Variants in CELF1 observed in about 807,000 individuals in gnomAD.
The protein encoded by CELF1 is 50 kDa nuclear polyadenylated RNA-binding protein.
Under a neutral mutation model 61.8 loss-of-function variants are expected in CELF1, and 10 were observed. The ratio of observed to expected loss-of-function variants is 0.16; its 90% CI spans 0.10 to 0.27. The LOEUF (loss-of-function observed/expected upper bound fraction) is 0.27, where lower values mean the gene tolerates loss of function less well. Ranked by LOEUF, CELF1 falls within the 10% of genes least tolerant of loss-of-function variation. The pLI is 1.00. For missense variants in CELF1, 380 were observed against 639.1 expected, an observed-to-expected ratio of 0.59 and a Z score of 4.37; for synonymous variants, 236 against 225.1, an observed-to-expected ratio of 1.05 and a Z score of -0.43.
chr11:47,493,432 C>T lies in CELF1; in HGVS notation c.72-4408G>A, dbSNP rs527943593. Among the ~76,000 whole-genome samples the T allele has an allele frequency of 4.3e-3, 639 of 148,830 alleles. 2 individuals are homozygous for T. Among genetic ancestry groups the T allele is most frequent in the African/African-American group, 0.015 (585 of 40,122 alleles). On this transcript the variant is annotated intron_variant, in intron 3 of 14. Transcript: ENST00000687097. Reference sequence around the variant, plus strand: ...CTGAAGCAGGAGAATCACTTGAACCCGGGAGGCGGAGACTACAGTGAGCCG... The same window carrying T: ...CTGAAGCAGGAGAATCACTTGAACCTGGGAGGCGGAGACTACAGTGAGCCG...
intron 3 of CELF1, among the ~76,000 whole-genome samples, chr11:47,491,385 A>G (rs1436731757): frequency 1.3e-5 from 2 of 150,764 alleles, no homozygotes; most frequent in Non-Finnish European, 1.5e-5. Flanking sequence ...CTGGTCTTGA[A>G]CTGAGCTCAA....
intron 1 of CELF1, among the ~76,000 whole-genome samples, chr11:47,515,741 T>A (rs577494819): frequency 6.6e-6 from 1 of 152,240 alleles, no homozygotes; most frequent in Non-Finnish European, 1.5e-5. Context: ...TTCATTCCCA[T>A]TTTTCAGATG....
intron 1 of CELF1, among the ~76,000 whole-genome samples, chr11:47,545,867 C>CTGTG (rs761587800): frequency 0.13 from 15,262 of 121,360 alleles, 1,274 homozygotes; most frequent in South Asian, 0.18. Flanking sequence ...GTGTGTGTGT[C>CTGTG]TGCGTGTGTG....
At chr11:47,474,999 T>G (rs2079349637) in intron 13 of CELF1, among the ~76,000 whole-genome samples, 1 of 152,206 alleles carries the variant, frequency 6.6e-6, no homozygotes. Flanking sequence ...AGACAGAAGA[T>G]CCTCTGATAG....
chr11:47,499,823 T>C, intron 2 of CELF1: 1 of 331,170 alleles, frequency 3.0e-6, no homozygotes, highest in Non-Finnish European at 5.6e-6. Context: ...CAGTACTAAG[T>C]GCACTGTCAG....
At position 47,484,535 on chromosome 11, in the gene CELF1, A is replaced by C; in HGVS notation, c.392-12T>G. On this transcript the variant is annotated splice_polypyrimidine_tract_variant and intron_variant, in intron 6 of 14. Coordinates refer to ENST00000687097, the MANE Select transcript of CELF1 (RefSeq NM_001376376.1). Reference sequence around the variant, plus strand: ...CCTGTCTTCCACTGCTAAGAGAGTAAAACAGAAAAGACTTGAATATTACTA... The same window carrying C: ...CCTGTCTTCCACTGCTAAGAGAGTACAACAGAAAAGACTTGAATATTACTA... 1 of 1,598,860 alleles carries C rather than the reference A, an allele frequency of 6.3e-7. No homozygotes were observed. The highest frequency in any genetic ancestry group is 8.5e-7 in the Non-Finnish European group (1 of 1,175,262).
chr11:47,561,653 T>C (rs935861924), intron 2 of CELF1, among the ~76,000 whole-genome samples: 1 of 152,070 alleles, frequency 6.6e-6, no homozygotes, highest in African/African-American at 2.4e-5. Context: ...CCCTATGACC[T>C]AACAATTCCA....
At chr11:47,508,650 C>T (rs2153588422) in intron 1 of CELF1, among the ~76,000 whole-genome samples, 1 of 149,704 alleles carries the variant, frequency 6.7e-6, no homozygotes, top group South Asian at 2.1e-4. Flanking sequence ...TCCTAAGCCA[C>T]CAAGACTTTT....
rs2076680493 is a variant in CELF1 at position 47,466,334 on chromosome 11, G to GCATTT, written c.*5891_*5895dup. On this transcript the variant is annotated 3_prime_UTR_variant, in exon 15 of 15. Transcript: ENST00000687097. The stretch of plus-strand genomic sequence containing the variant: ...AAAGCTCAAACAAGATAAAGGAAAA[G>GCATTT]CATTTCTACGGCTGAATCACGACTG... 6.6e-6 allele frequency: 1 copy of GCATTT among 152,220 alleles called. No individual in the cohort carries two copies. The highest frequency in any genetic ancestry group is 1.5e-5 in the Non-Finnish European group (1 of 68,044). The allele number at this position is 152,220 out of a possible 1,614,324, so 9.4% of individuals were successfully genotyped here. A position where few individuals can be genotyped will look rare whatever the true frequency, so the allele number is the denominator to read the frequency against.
chr11:47,490,763 T>C (rs1339305292), intron 3 of CELF1, among the ~76,000 whole-genome samples: 2 of 152,124 alleles, frequency 1.3e-5, no homozygotes, highest in Non-Finnish European at 2.9e-5. Flanking sequence ...AAAAAAATCA[T>C]TTTTCCACCA....
At chr11:47,526,917 G>T (rs1214401784) in intron 1 of CELF1, among the ~76,000 whole-genome samples, 1 of 152,170 alleles carries the variant, frequency 6.6e-6, no homozygotes, top group African/African-American at 2.4e-5. Flanking sequence ...TGGGCGTGGG[G>T]GCGCGTGCCT....
At chr11:47,535,427 C>T (rs2096602342) in intron 1 of CELF1, among the ~76,000 whole-genome samples, 1 of 152,004 alleles carries the variant, frequency 6.6e-6, no homozygotes, top group African/African-American at 2.4e-5. Flanking sequence ...ACCTGTAATC[C>T]CAGCACTTTG....
At chr11:47,530,813 G>A (rs574530535) in intron 1 of CELF1, among the ~76,000 whole-genome samples, 43 of 152,174 alleles carry the variant, frequency 2.8e-4, no homozygotes, top group Non-Finnish European at 4.1e-4. Context: ...AAATTAGCCA[G>A]GCATGGTGGC....
intron 1 of CELF1, among the ~76,000 whole-genome samples, chr11:47,503,279 G>GCTTTTTCATCC (rs2094148580): frequency 6.6e-6 from 1 of 152,202 alleles, no homozygotes; most frequent in Admixed American, 6.5e-5. Context: ...ATCACAGTAT[G>GCTTTTTCATCC]TTTTGCCAAA....
intron 1 of CELF1, among the ~76,000 whole-genome samples, chr11:47,546,897 C>T (rs1425112396): frequency 6.6e-6 from 1 of 151,540 alleles, no homozygotes; most frequent in Non-Finnish European, 1.5e-5. Context: ...AAACCTCCGT[C>T]TCTACTAAAA....
chr11:47,562,863 C>T (rs1331386806), intron 2 of CELF1, among the ~76,000 whole-genome samples: 1 of 151,990 alleles, frequency 6.6e-6, no homozygotes, highest in African/African-American at 2.4e-5. Context: ...CACTATTATA[C>T]CTGGCTAATT....
At chr11:47,540,161 T>C (rs1300040624) in intron 1 of CELF1, among the ~76,000 whole-genome samples, 1 of 152,154 alleles carries the variant, frequency 6.6e-6, no homozygotes, top group Non-Finnish European at 1.5e-5. Context: ...GTTTCCATCC[T>C]CAAAAAGCTT....
At chr11:47,558,328 C>T (rs2097212025) in intron 2 of CELF1, among the ~76,000 whole-genome samples, 1 of 150,058 alleles carries the variant, frequency 6.7e-6, no homozygotes, top group Non-Finnish European at 1.5e-5. Context: ...GGTCAAATTT[C>T]CTATGAGTGT....
chr11:47,481,556 G>A (rs184129520), intron 9 of CELF1, among the ~76,000 whole-genome samples: 1 of 152,266 alleles, frequency 6.6e-6, no homozygotes, highest in African/African-American at 2.4e-5. Context: ...TTGAAATGAT[G>A]AGGAATAAAT....
Sources: allele counts gnomAD v4.1 joint callset (sites outside exome capture counted in the v4.1 genomes callset), GRCh38; gene constraint gnomAD v4.1.1; transcripts MANE v1.5; gene names NCBI Gene and HGNC (gene_info 2026-07-23, HGNC 2026-07-21).